SMAP1: variants seen among roughly 807,000 people sequenced by gnomAD.
SMAP1 encodes stromal membrane-associated protein 1.
A neutral mutation model predicts 58.5 loss-of-function variants in SMAP1; 24 were observed. The ratio of observed to expected loss-of-function variants is 0.41; its 90% CI spans 0.30 to 0.58. The LOEUF (loss-of-function observed/expected upper bound fraction) is 0.58, where lower values mean the gene tolerates loss of function less well. Ranked by LOEUF, SMAP1 falls within the 20% of genes least tolerant of loss-of-function variation. The pLI, the probability that SMAP1 is intolerant of heterozygous loss-of-function variation, is 0.29. For synonymous variants in SMAP1, 216 were observed against 196.6 expected (o/e 1.10, Z -0.82); for missense variants, 563 against 566.3 (o/e 0.99, Z 0.06).
At chr6:70,843,053 G>A (rs748688597) in intron 7 of SMAP1, among the ~76,000 whole-genome samples, 13 of 152,064 alleles carry the variant, frequency 8.5e-5, no homozygotes, top group Non-Finnish European at 1.5e-4. Flanking sequence ...AGCAAGAAGC[G>A]CCCAGATGGG....
At chr6:70,827,273 A>C (rs1770175356) in intron 6 of SMAP1, among the ~76,000 whole-genome samples, 1 of 152,236 alleles carries the variant, frequency 6.6e-6, no homozygotes. Flanking sequence ...TAAGATATCA[A>C]ATGACAGAAT....
chr6:70,727,587 T>C (rs1765237323), intron 1 of SMAP1, among the ~76,000 whole-genome samples: 1 of 152,252 alleles, frequency 6.6e-6, no homozygotes, highest in Admixed American at 6.5e-5. Context: ...TCATCTTCGT[T>C]TAATACTTCG....
chr6:70,726,877 GT>G (rs1562117578), intron 1 of SMAP1, among the ~76,000 whole-genome samples: 70 of 17,026 alleles, frequency 4.1e-3, no homozygotes, highest in African/African-American at 0.022. Context: ...TTTTAGGGGT[GT>G]GTGTGTGTGT....
chr6:70,845,818 T>A (rs1770965394), intron 7 of SMAP1, among the ~76,000 whole-genome samples: 1 of 152,214 alleles, frequency 6.6e-6, no homozygotes, highest in Non-Finnish European at 1.5e-5. Context: ...ACAACAGTGA[T>A]GCACTGAGGT....
chr6:70,736,100 T>C (rs1288087216), intron 2 of SMAP1, among the ~76,000 whole-genome samples: 1 of 152,146 alleles, frequency 6.6e-6, no homozygotes, highest in African/African-American at 2.4e-5. Flanking sequence ...CATATTTTTA[T>C]CTGTTATTTA....
intron 6 of SMAP1, among the ~76,000 whole-genome samples, chr6:70,835,660 C>T (rs1207337384): frequency 6.6e-6 from 1 of 152,100 alleles, no homozygotes; most frequent in East Asian, 1.9e-4. Flanking sequence ...GTGTGCACCA[C>T]CACACCCAGC....
intron 6 of SMAP1, among the ~76,000 whole-genome samples, chr6:70,833,350 T>C (rs1032861595): frequency 5.9e-5 from 9 of 152,230 alleles, no homozygotes; most frequent in Non-Finnish European, 1.5e-5. Flanking sequence ...AAAAGTAATC[T>C]CTAAAATCAC....
At chr6:70,687,123 T>TAA (rs1215023732) in intron 1 of SMAP1, among the ~76,000 whole-genome samples, 1 of 152,226 alleles carries the variant, frequency 6.6e-6, no homozygotes, top group Non-Finnish European at 1.5e-5. Flanking sequence ...CTAGGCTTAA[T>TAA]AGCCACTGTG....
intron 1 of SMAP1, among the ~76,000 whole-genome samples, chr6:70,725,054 T>A (rs1463097413): frequency 6.7e-6 from 1 of 149,494 alleles, no homozygotes; most frequent in Non-Finnish European, 1.5e-5. Flanking sequence ...CTGGCATTTC[T>A]GTGTATTTGC....
chr6:70,849,756 T>A lies in SMAP1; in HGVS notation c.665-2784T>A, dbSNP rs188300711. ...AAAACACACATAAAATTTACCATTT[T>A]AAATATTTTACAATGTATAATCAGT... On this transcript the variant is annotated intron_variant, in intron 7 of 10. Coordinates refer to ENST00000370455, the MANE Select transcript of SMAP1 (RefSeq NM_001044305.3). 4.7e-3 allele frequency among the ~76,000 whole-genome samples: 716 copies of A among 152,332 alleles called. 2 individuals carry two copies. Among genetic ancestry groups the A allele is most frequent in the African/African-American group, 0.017 (693 of 41,568 alleles).
intron 3 of SMAP1, among the ~76,000 whole-genome samples, chr6:70,761,973 A>G (rs957489927): frequency 6.6e-6 from 1 of 152,122 alleles, no homozygotes; most frequent in African/African-American, 2.4e-5. Flanking sequence ...TATAGGTTCA[A>G]TAGATCAGCT....
chr6:70,725,910 G>A (rs1279107092), intron 1 of SMAP1, among the ~76,000 whole-genome samples: 1 of 152,170 alleles, frequency 6.6e-6, no homozygotes, highest in Non-Finnish European at 1.5e-5. Flanking sequence ...TATATCATTA[G>A]CCTCAACGGA....
At chr6:70,718,957 A>C (rs867700444) in intron 1 of SMAP1, among the ~76,000 whole-genome samples, 1 of 152,008 alleles carries the variant, frequency 6.6e-6, no homozygotes, top group Admixed American at 6.6e-5. Context: ...TGTATTTTTA[A>C]TGTGTGATTT....
intron 3 of SMAP1, among the ~76,000 whole-genome samples, chr6:70,758,267 A>T (rs1449783032): frequency 1.3e-5 from 2 of 151,434 alleles, no homozygotes; most frequent in African/African-American, 4.9e-5. Context: ...ATCTATCGCA[A>T]GAACAAAAAA....
chr6:70,751,460 T>C (rs890126054), intron 2 of SMAP1, among the ~76,000 whole-genome samples: 2 of 152,188 alleles, frequency 1.3e-5, no homozygotes, highest in Non-Finnish European at 2.9e-5. Context: ...AGATGAAGTA[T>C]AGTTTAATGA....
At chr6:70,789,148 T>C (rs1010575740) in intron 4 of SMAP1, among the ~76,000 whole-genome samples, 6 of 152,206 alleles carry the variant, frequency 3.9e-5, no homozygotes, top group Non-Finnish European at 7.3e-5. Flanking sequence ...ACATAATGTA[T>C]ATTACCCTGC....
chr6:70,806,131 CAGTG>C (rs895491833), intron 6 of SMAP1, among the ~76,000 whole-genome samples: 81 of 152,352 alleles, frequency 5.3e-4, no homozygotes, highest in Middle Eastern at 3.4e-3. Context: ...TCTATAGAGG[CAGTG>C]AGCCTTGCTG....
At chr6:70,723,827 G>A in intron 1 of SMAP1, among the ~76,000 whole-genome samples, 1 of 152,008 alleles carries the variant, frequency 6.6e-6, no homozygotes, top group Middle Eastern at 3.2e-3. Context: ...CAATTCCGAG[G>A]GAATTATTTA....
At chr6:70,811,357 A>G (rs1243248387) in intron 6 of SMAP1, among the ~76,000 whole-genome samples, 3 of 152,268 alleles carry the variant, frequency 2.0e-5, no homozygotes, top group African/African-American at 7.2e-5. Context: ...GTCTTCAGAG[A>G]CATTGTTAAA....
Sources: allele counts gnomAD v4.1 joint callset (sites outside exome capture counted in the v4.1 genomes callset), GRCh38; gene constraint gnomAD v4.1.1; transcripts MANE v1.5; gene names NCBI Gene and HGNC (gene_info 2026-07-23, HGNC 2026-07-21).